PGM5: variants seen among roughly 807,000 people sequenced by gnomAD.
PGM5 encodes the protein phosphoglucomutase 5, also known as phosphoglucomutase-like protein 5.
In PGM5, 23 loss-of-function variants were observed where a neutral mutation model predicts 59.2. The ratio of observed to expected loss-of-function variants is 0.39; its 90% CI spans 0.28 to 0.55. The LOEUF (loss-of-function observed/expected upper bound fraction) is 0.55. Ranked by LOEUF, PGM5 falls within the 20% of genes least tolerant of loss-of-function variation. PGM5 has a pLI of 0.66. For synonymous variants in PGM5, 214 were observed against 286.0 expected (o/e 0.75, Z 2.54); for missense variants, 574 against 748.3 (o/e 0.77, Z 2.72).
In PGM5 at chr9:68,484,541, A is replaced by AACACAC. The variant is rs72293391; in HGVS notation, c.1479+525_1479+530dup. On this transcript the variant is annotated intron_variant, in intron 9 of 10. Coordinates refer to ENST00000396396, the MANE Select transcript of PGM5 (RefSeq NM_021965.4). ...GGAGACAAAGTGAGACCATGTCTCA[A>AACACAC]ACACACACACACACACACACACACA... Among the ~76,000 whole-genome samples the AACACAC allele has an allele frequency of 5.7e-3, 752 of 132,322 alleles. 11 individuals carry two copies. Among genetic ancestry groups the AACACAC allele is most frequent in the African/African-American group, 0.021 (702 of 33,582 alleles). The allele number at this position is 132,322 out of a possible 152,430, so 86.8% of individuals were successfully genotyped here. A position where few individuals can be genotyped will look rare whatever the true frequency, so the allele number is the denominator to read the frequency against.
intron 6 of PGM5, among the ~76,000 whole-genome samples, chr9:68,421,312 A>G (rs1321113760): frequency 1.3e-5 from 2 of 152,182 alleles, no homozygotes; most frequent in Non-Finnish European, 2.9e-5. Flanking sequence ...CTCAGAGGCT[A>G]CAGCAGTTTC....
chr9:68,387,786 A>C (rs1554679025), intron 4 of PGM5, among the ~76,000 whole-genome samples, 198 bp downstream of exon 4: 1 of 151,968 alleles, frequency 6.6e-6, no homozygotes, highest in Non-Finnish European at 1.5e-5. Context: ...AAAGTTGAAC[A>C]AATGAGTTTG....
At chr9:68,525,669 G>C (rs1824960537) in intron 10 of PGM5, among the ~76,000 whole-genome samples, 1 of 152,210 alleles carries the variant, frequency 6.6e-6, no homozygotes, top group South Asian at 2.1e-4. Context: ...GCCTAACGAT[G>C]CATTTCTCAG....
chr9:68,423,563 G>A (rs1823181159), intron 6 of PGM5, among the ~76,000 whole-genome samples: 1 of 151,918 alleles, frequency 6.6e-6, no homozygotes, highest in South Asian at 2.1e-4. Context: ...CTGACATTAG[G>A]TTCAATCAGG....
intron 6 of PGM5, among the ~76,000 whole-genome samples, chr9:68,445,500 T>A (rs1313650613): frequency 6.6e-6 from 1 of 152,176 alleles, no homozygotes; most frequent in African/African-American, 2.4e-5. Context: ...TGAGGATGCT[T>A]GGAATACAGC....
At chr9:68,412,898 T>C (rs569547992) in intron 6 of PGM5, among the ~76,000 whole-genome samples, 3 of 152,272 alleles carry the variant, frequency 2.0e-5, no homozygotes, top group Admixed American at 2.0e-4. Context: ...TCCTTGGTCT[T>C]TTGTGTGGCT....
intron 6 of PGM5, among the ~76,000 whole-genome samples, chr9:68,423,875 A>C (rs1554682538): frequency 6.6e-6 from 1 of 152,174 alleles, no homozygotes; most frequent in East Asian, 1.9e-4. Context: ...GAAGTGGACA[A>C]GAAAACAGAA....
chr9:68,357,183 A>C lies in PGM5; in HGVS notation c.56A>C (p.Gln19Pro). ...LTVPTAPYED[Q>P]RPAGGGGLRR... is the part of the protein sequence containing the mutation. ...GTGCCCACCGCGCCCTACGAGGACC[A>C]GCGGCCGGCCGGCGGCGGGGGTCTG... The change falls in exon 1 of 11, where the codon CAG (glutamine) becomes CCG (proline). Residue 19 changes from glutamine to proline, a missense_variant. By Grantham distance (76) the Gln-to-Pro change is moderately conservative (BLOSUM62 -1). Around this residue, in one of 7 missense-constraint regions of PGM5, gnomAD observed 60 missense variants for 71.0 expected, o/e 0.85. Transcript: ENST00000396396. 6.5e-7 allele frequency: 1 copy of C among 1,539,024 alleles called. No homozygotes were observed.
At chr9:68,436,439 G>A (rs1472177199) in intron 6 of PGM5, among the ~76,000 whole-genome samples, 1 of 152,292 alleles carries the variant, frequency 6.6e-6, no homozygotes, top group South Asian at 2.1e-4. Context: ...GGACCCGGAA[G>A]ATAAAAAATG....
intron 7 of PGM5, among the ~76,000 whole-genome samples, chr9:68,473,979 C>T (rs1330384073): frequency 6.6e-6 from 1 of 151,976 alleles, no homozygotes; most frequent in Non-Finnish European, 1.5e-5. Context: ...GAGGAAGAGG[C>T]CTCACTCACT....
At chr9:68,457,113 A>G (rs925178537) in intron 6 of PGM5, among the ~76,000 whole-genome samples, 21 of 152,104 alleles carry the variant, frequency 1.4e-4, no homozygotes, top group African/African-American at 4.6e-4. Flanking sequence ...TTAGCCATTA[A>G]TCCTTTGATT....
chr9:68,477,292 C>T (rs1824123326), intron 7 of PGM5, among the ~76,000 whole-genome samples: 1 of 151,994 alleles, frequency 6.6e-6, no homozygotes, highest in Admixed American at 6.5e-5. Flanking sequence ...GATTTTAGTA[C>T]CTTCACAGCC....
chr9:68,475,531 T>C (rs1490236477), intron 7 of PGM5, among the ~76,000 whole-genome samples: 1 of 151,966 alleles, frequency 6.6e-6, no homozygotes, highest in African/African-American at 2.4e-5. Flanking sequence ...AAAAATATAC[T>C]GAATATTCTT....
rs142781142 is a variant in PGM5 at position 68,450,835 on chromosome 9, G to A, written c.1044-14258G>A. Among the ~76,000 whole-genome samples, 43 of 152,250 alleles carry A rather than the reference G, an allele frequency of 2.8e-4. 2 individuals are homozygous for A. Among genetic ancestry groups the A allele is most frequent in the South Asian group, 2.5e-3 (12 of 4,826 alleles). ...TTGCATGTGTCTGTATCTCATATTC[G>A]AAATCTGCATAATTAACTGCATTGG... On this transcript the variant is annotated intron_variant, in intron 6 of 10. Coordinates refer to ENST00000396396, the MANE Select transcript of PGM5 (RefSeq NM_021965.4).
At chr9:68,406,795 G>A (rs529280851) in intron 6 of PGM5, among the ~76,000 whole-genome samples, 7 of 146,392 alleles carry the variant, frequency 4.8e-5, no homozygotes, top group South Asian at 4.3e-4. Flanking sequence ...TTGTCATGGC[G>A]ATGGGGCTTT....
At chr9:68,458,581 A>G (rs117054804) in intron 6 of PGM5, among the ~76,000 whole-genome samples, 25 of 152,340 alleles carry the variant, frequency 1.6e-4, no homozygotes, top group Non-Finnish European at 2.1e-4. Context: ...GCAAAATTAT[A>G]TACTATCCCA....
At chr9:68,463,876 T>C (rs1823893730) in intron 6 of PGM5, among the ~76,000 whole-genome samples, 1 of 152,166 alleles carries the variant, frequency 6.6e-6, no homozygotes. Flanking sequence ...GGTGCAAAAG[T>C]AATAGCCATT....
intron 6 of PGM5, among the ~76,000 whole-genome samples, chr9:68,455,535 A>G (rs1460364704): frequency 2.0e-5 from 3 of 151,430 alleles, no homozygotes; most frequent in African/African-American, 7.3e-5. Flanking sequence ...AAAGGTTTTG[A>G]GTTCTATTCA....
At chr9:68,400,296 T>A (rs1822632550) in intron 6 of PGM5, among the ~76,000 whole-genome samples, 1 of 152,170 alleles carries the variant, frequency 6.6e-6, no homozygotes, top group Admixed American at 6.6e-5. Context: ...ATCTCCTGAT[T>A]ATGAACACTT....
Sources: gnomAD v4.1 joint callset for allele counts (sites outside exome capture counted in the v4.1 genomes callset) on GRCh38, gnomAD v4.1.1 for gene constraint, gnomAD v4.1.1 regional missense constraint, MANE v1.5 for transcripts, NCBI Gene and HGNC (gene_info 2026-07-23, HGNC 2026-07-21) for gene names.